Variants in TSHZ1 observed in about 807,000 individuals in gnomAD.
The protein encoded by TSHZ1 is teashirt zinc finger homeobox 1, also known as teashirt homolog 1.
TSHZ1 carries 12 observed loss-of-function variants against 67.1 expected under a neutral mutation model. The observed-to-expected ratio is 0.18, with a 90% CI of 0.11 to 0.29. The LOEUF (loss-of-function observed/expected upper bound fraction) is 0.29, where lower values mean the gene tolerates loss of function less well. TSHZ1 is among the 10% of genes least tolerant of loss of function. TSHZ1 has a pLI of 1.00. For synonymous variants in TSHZ1, 632 were observed against 622.4 expected, an observed-to-expected ratio of 1.02 and a Z score of -0.23; for missense variants, 1,305 against 1,413.9, an observed-to-expected ratio of 0.92 and a Z score of 1.23.
Position 75,289,891 on chromosome 18 carries a change from TAAATC to T in TSHZ1, c.*1251_*1255del, listed in dbSNP as rs2023838232. 6.0e-6 allele frequency: 1 copy of T among 167,134 alleles called. No individual in the cohort carries two copies. The highest frequency in any genetic ancestry group is 2.4e-5 in the African/African-American group (1 of 41,474). The allele number at this position is 167,134 out of a possible 1,614,324, so 10.4% of individuals were successfully genotyped here. ...TACAGTACATTTTGGTTCACACAATTAAATCCACTGTTTTCTCAGATGTAAAATAA... is the reference window on the plus strand; with the variant it reads ...TACAGTACATTTTGGTTCACACAATTCACTGTTTTCTCAGATGTAAAATAA... On this transcript the variant is annotated 3_prime_UTR_variant, in exon 2 of 2. Transcript: ENST00000580243.
chr18:75,229,670 C>T (rs768805580), intron 1 of TSHZ1, among the ~76,000 whole-genome samples: 10 of 152,230 alleles, frequency 6.6e-5, no homozygotes, highest in Non-Finnish European at 1.5e-4. Flanking sequence ...CGGTCTATGA[C>T]GTGCCGACCC....
chr18:75,235,816 G>A (rs1307654802), intron 1 of TSHZ1, among the ~76,000 whole-genome samples: 1 of 152,150 alleles, frequency 6.6e-6, no homozygotes, highest in African/African-American at 2.4e-5. Context: ...ATGCCTCCCC[G>A]TGGTTTGGCA....
At chr18:75,236,346 G>C (rs9966685) in intron 1 of TSHZ1, among the ~76,000 whole-genome samples, 13 of 152,058 alleles carry the variant, frequency 8.5e-5, no homozygotes, top group Admixed American at 2.0e-4. Context: ...TTGTAGCTGC[G>C]TCTTCCCCGT....
At position 75,288,823 on chromosome 18, in the gene TSHZ1, T is replaced by C; in HGVS notation, c.*182T>C. 9.7e-7 allele frequency: 1 copy of C among 1,029,426 alleles called. No individual in the cohort carries two copies. The highest frequency in any genetic ancestry group is 1.3e-6 in the Non-Finnish European group (1 of 759,638). The allele number at this position is 1,029,426 out of a possible 1,614,324, so 63.8% of individuals were successfully genotyped here. A position where few individuals can be genotyped will look rare whatever the true frequency, so the allele number is the denominator to read the frequency against. On this transcript the variant is annotated 3_prime_UTR_variant, in exon 2 of 2. Transcript: ENST00000580243. This position sits in a 1 kb window ranked among gnomAD's most constrained non-coding sequence, Gnocchi z 4.9. Reference sequence around the variant, plus strand: ...CTGTCCGATCTGTGCATGTTATTTTTCTTTTTCCGTGAGTCAAAGTCTGAC... The same window carrying C: ...CTGTCCGATCTGTGCATGTTATTTTCCTTTTTCCGTGAGTCAAAGTCTGAC...
intron 1 of TSHZ1, among the ~76,000 whole-genome samples, chr18:75,225,479 T>C (rs1221232674): frequency 6.6e-6 from 1 of 152,204 alleles, no homozygotes; most frequent in African/African-American, 2.4e-5. Flanking sequence ...CTGGCCCATC[T>C]CTGTACGCTT....
At chr18:75,261,864 A>G (rs938135266) in intron 1 of TSHZ1, among the ~76,000 whole-genome samples, 2 of 152,206 alleles carry the variant, frequency 1.3e-5, no homozygotes, top group African/African-American at 2.4e-5. Context: ...CTTAAAGTGT[A>G]ATGAACAAGC....
chr18:75,268,613 T>C (rs953732947), intron 1 of TSHZ1, among the ~76,000 whole-genome samples: 20 of 152,168 alleles, frequency 1.3e-4, no homozygotes, highest in Non-Finnish European at 1.9e-4. Flanking sequence ...GGAGGCTGAA[T>C]TGGACATTAG....
intron 1 of TSHZ1, among the ~76,000 whole-genome samples, chr18:75,213,170 G>C (rs1240659044): frequency 6.6e-6 from 1 of 152,166 alleles, no homozygotes; most frequent in Non-Finnish European, 1.5e-5. Context: ...AAAAATTTGG[G>C]AATAGTATCT....
intron 1 of TSHZ1, among the ~76,000 whole-genome samples, chr18:75,213,813 T>C (rs900560343): frequency 1.3e-4 from 19 of 151,966 alleles, no homozygotes; most frequent in Non-Finnish European, 2.2e-4. Context: ...TTGGCAGGCT[T>C]AGTGTTTCCA....
chr18:75,275,118 A>G (rs1451918395), intron 1 of TSHZ1, among the ~76,000 whole-genome samples: 1 of 152,214 alleles, frequency 6.6e-6, no homozygotes, highest in Non-Finnish European at 1.5e-5. Flanking sequence ...GCCTACATCC[A>G]TGCCGCGACG....
At chr18:75,256,743 G>A (rs1323332987) in intron 1 of TSHZ1, among the ~76,000 whole-genome samples, 1 of 152,188 alleles carries the variant, frequency 6.6e-6, no homozygotes, top group Non-Finnish European at 1.5e-5. Flanking sequence ...TAATTTTCAT[G>A]AGTATATGCA....
At chr18:75,282,410 T>G (rs1427159799) in intron 1 of TSHZ1, among the ~76,000 whole-genome samples, 3 of 152,198 alleles carry the variant, frequency 2.0e-5, no homozygotes, top group Non-Finnish European at 4.4e-5. Context: ...GAGAGTAAGT[T>G]TCCCATTTCT....
chr18:75,282,846 G>C (rs2023702964), intron 1 of TSHZ1: 1 of 152,482 alleles, frequency 6.6e-6, no homozygotes, highest in African/African-American at 2.4e-5. Flanking sequence ...GCCGCCTGCT[G>C]TGGGGTGGGC....
chr18:75,272,021 AT>A (rs1318842167), intron 1 of TSHZ1, among the ~76,000 whole-genome samples: 9 of 152,202 alleles, frequency 5.9e-5, no homozygotes, highest in African/African-American at 1.9e-4. Flanking sequence ...CATAATGGTA[AT>A]TTGTATAAGT....
chr18:75,261,010 TG>T (rs2023423497), intron 1 of TSHZ1, among the ~76,000 whole-genome samples: 1 of 151,884 alleles, frequency 6.6e-6, no homozygotes, highest in Admixed American at 6.6e-5. Flanking sequence ...AGGAGCATGG[TG>T]GGGTGTATGG....
At chr18:75,254,788 T>C (rs1180511017) in intron 1 of TSHZ1, among the ~76,000 whole-genome samples, 5 of 152,230 alleles carry the variant, frequency 3.3e-5, no homozygotes, top group Admixed American at 1.3e-4. Flanking sequence ...TCACAGGTTT[T>C]ATTTCTAGTT....
intron 1 of TSHZ1, among the ~76,000 whole-genome samples, chr18:75,275,830 T>TTAAC (rs1420629939): frequency 5.3e-5 from 8 of 152,216 alleles, no homozygotes. Context: ...CCACCATGTG[T>TTAAC]TAACATGCAC....
At chr18:75,231,535 TTTTA>T (rs965312507) in intron 1 of TSHZ1, among the ~76,000 whole-genome samples, 15 of 152,246 alleles carry the variant, frequency 9.9e-5, no homozygotes, top group African/African-American at 1.9e-4. Flanking sequence ...CACTCTGCAA[TTTTA>T]TTTATTTATT....
intron 1 of TSHZ1, among the ~76,000 whole-genome samples, chr18:75,230,311 G>A (rs1468938405): frequency 6.6e-6 from 1 of 152,130 alleles, no homozygotes; most frequent in African/African-American, 2.4e-5. Flanking sequence ...TGACTGACAG[G>A]CACCCAGAGC....
Sources: gnomAD v4.1 joint callset for allele counts (sites outside exome capture counted in the v4.1 genomes callset) on GRCh38, gnomAD v4.1.1 for gene constraint, Gnocchi (gnomAD v3.1) non-coding constraint, MANE v1.5 for transcripts, NCBI Gene and HGNC (gene_info 2026-07-23, HGNC 2026-07-21) for gene names.